Variants in DCDC2C observed in about 807,000 individuals in gnomAD.
The protein encoded by DCDC2C is doublecortin domain containing 2C, also known as doublecortin domain-containing protein 2C.
Under a neutral mutation model 45.0 loss-of-function variants are expected in DCDC2C, and 44 were observed. That is an observed-to-expected ratio of 0.98 (90% CI 0.77 to 1.26). The LOEUF is 1.26. Ranked by LOEUF, DCDC2C falls within the 50% of genes most tolerant of loss-of-function variation. The probability of loss-of-function intolerance (pLI) is 0.00; values close to 1 mark genes in which losing one functional copy is unlikely to be tolerated. For missense variants in DCDC2C, 447 were observed against 468.9 expected (o/e 0.95, Z 0.43); for synonymous variants, 187 against 178.8 (o/e 1.05, Z -0.37).
At chr2:3,707,904 AT>A (rs986530483) in intron 1 of DCDC2C, among the ~76,000 whole-genome samples, 1 of 152,270 alleles carries the variant, frequency 6.6e-6, no homozygotes, top group African/African-American at 2.4e-5. Context: ...TCAAATACAT[AT>A]TTTTTTAATC....
chr2:3,826,555 G>T (rs1671821178), intron 10 of DCDC2C, among the ~76,000 whole-genome samples: 1 of 151,990 alleles, frequency 6.6e-6, no homozygotes, highest in Admixed American at 6.6e-5. Flanking sequence ...TAGAGAAGGG[G>T]GTACCCTGCC....
chr2:3,705,743 G>A (rs1668048474), intron 1 of DCDC2C, among the ~76,000 whole-genome samples: 1 of 152,158 alleles, frequency 6.6e-6, no homozygotes, highest in Non-Finnish European at 1.5e-5. Flanking sequence ...AGAGTCTCGA[G>A]TCTCATGGTT....
intron 4 of DCDC2C, among the ~76,000 whole-genome samples, chr2:3,743,421 A>G (rs1184758108): frequency 2.0e-5 from 3 of 152,244 alleles, no homozygotes; most frequent in African/African-American, 7.2e-5. Context: ...AACAGACTGC[A>G]GAACATTCTG....
At chr2:3,766,824 A>G (rs1670026156) in intron 6 of DCDC2C, among the ~76,000 whole-genome samples, 1 of 152,260 alleles carries the variant, frequency 6.6e-6, no homozygotes, top group Non-Finnish European at 1.5e-5. Context: ...AAGATAGTTT[A>G]TGGGATAGAA....
intron 4 of DCDC2C, among the ~76,000 whole-genome samples, chr2:3,744,599 C>T (rs73144837): frequency 0.018 from 2,784 of 152,268 alleles, 82 homozygotes; most frequent in African/African-American, 0.063. Context: ...TGATGGTAGA[C>T]GCTGTGGTGG....
chr2:3,724,083 A>G (rs1668569154), intron 2 of DCDC2C, among the ~76,000 whole-genome samples: 1 of 152,042 alleles, frequency 6.6e-6, no homozygotes, highest in African/African-American at 2.4e-5. Flanking sequence ...TCTCATTGTT[A>G]TCTCAATATT....
At chr2:3,831,360 C>A (rs1381763579) in intron 10 of DCDC2C, among the ~76,000 whole-genome samples, 2 of 152,240 alleles carry the variant, frequency 1.3e-5, no homozygotes, top group African/African-American at 4.8e-5. Context: ...GATGGCACAG[C>A]CTACTGCACA....
At chr2:3,729,616 T>TC (rs1003616381) in intron 3 of DCDC2C, among the ~76,000 whole-genome samples, 4 of 152,132 alleles carry the variant, frequency 2.6e-5, no homozygotes, top group Non-Finnish European at 5.9e-5. Flanking sequence ...TAGGATTCTG[T>TC]CCTCCGCCAG....
At chr2:3,719,011 C>T (rs1668421930) in intron 2 of DCDC2C, among the ~76,000 whole-genome samples, 2 of 152,144 alleles carry the variant, frequency 1.3e-5, no homozygotes, top group Non-Finnish European at 1.5e-5. Context: ...AGTCCCCACT[C>T]GACCCAGGAA....
intron 10 of DCDC2C, among the ~76,000 whole-genome samples, chr2:3,829,819 C>T (rs556953583): frequency 2.0e-5 from 3 of 152,296 alleles, no homozygotes; most frequent in African/African-American, 7.2e-5. Context: ...AGAATCCTTT[C>T]GTCCCTGCTT....
In DCDC2C at chr2:3,818,137, G is replaced by A. The variant is rs1671599392; in HGVS notation, c.1066-29017G>A. 6.6e-6 allele frequency among the ~76,000 whole-genome samples: 1 copy of A among 152,182 alleles called. No individual in the cohort carries two copies. The highest frequency in any genetic ancestry group is 1.5e-5 in the Non-Finnish European group (1 of 68,034). ...GGAGGGTGTCCTGTTGGGAAGATTT[G>A]TAGGAGGGGCTATAAAGTAGAAGGT... is the stretch of plus-strand genomic sequence containing the variant. On this transcript the variant is annotated intron_variant, in intron 10 of 10. Transcript: ENST00000399143. This position sits in a 1 kb window ranked among gnomAD's most constrained non-coding sequence, Gnocchi z 4.7.
intron 4 of DCDC2C, among the ~76,000 whole-genome samples, chr2:3,744,722 G>A (rs1268734153): frequency 1.3e-5 from 2 of 152,216 alleles, no homozygotes; most frequent in Admixed American, 1.3e-4. Flanking sequence ...TACCAACGAT[G>A]AAAACTGATG....
intron 3 of DCDC2C, among the ~76,000 whole-genome samples, chr2:3,737,707 T>G (rs1263331605): frequency 1.3e-5 from 2 of 152,106 alleles, no homozygotes; most frequent in Non-Finnish European, 2.9e-5. Flanking sequence ...TTTACTGATT[T>G]GCTGGAAAGG....
intron 7 of DCDC2C, 49 bp from the exon 8 acceptor site, chr2:3,769,262 C>T (rs1203186746): frequency 1.3e-6 from 2 of 1,519,892 alleles, no homozygotes; most frequent in Admixed American, 2.0e-5. Context: ...GCAGTGGACT[C>T]CAGCTTCTCC....
intron 10 of DCDC2C, among the ~76,000 whole-genome samples, chr2:3,792,233 ATAGGCCC>A (rs1670830401): frequency 6.6e-6 from 1 of 152,206 alleles, no homozygotes; most frequent in Non-Finnish European, 1.5e-5. Context: ...AGCAGCAGGA[ATAGGCCC>A]TGGAGAAAAC....
At chr2:3,809,754 C>A (rs978283709) in intron 10 of DCDC2C, among the ~76,000 whole-genome samples, 6 of 152,272 alleles carry the variant, frequency 3.9e-5, no homozygotes, top group African/African-American at 1.4e-4. Flanking sequence ...ACCCCCAACC[C>A]CCAACAGGCC....
chr2:3,768,001 TG>T (rs1478394899), intron 7 of DCDC2C, 121 bp downstream of exon 7: 1 of 1,118,114 alleles, frequency 8.9e-7, no homozygotes, highest in Non-Finnish European at 1.2e-6. Context: ...TGTAACTATC[TG>T]CTTTATTAAT....
At chr2:3,726,201 G>T (rs1217010581) in intron 2 of DCDC2C, among the ~76,000 whole-genome samples, 3 of 152,202 alleles carry the variant, frequency 2.0e-5, no homozygotes, top group East Asian at 3.9e-4. Flanking sequence ...GTGGACAGGG[G>T]AGCAGCTCTT....
intron 4 of DCDC2C, among the ~76,000 whole-genome samples, chr2:3,752,148 A>G (rs1258001386): frequency 6.6e-6 from 1 of 152,128 alleles, no homozygotes; most frequent in Non-Finnish European, 1.5e-5. Flanking sequence ...TTCTCTTGTC[A>G]TATTTAGCTT....
Sources: allele counts gnomAD v4.1 joint callset (sites outside exome capture counted in the v4.1 genomes callset), GRCh38; gene constraint gnomAD v4.1.1; non-coding constraint Gnocchi (gnomAD v3.1); transcripts MANE v1.5; gene names NCBI Gene and HGNC (gene_info 2026-07-23, HGNC 2026-07-21).